The following NLGN1 variants were observed in gnomAD, a reference collection of about 807,000 sequenced individuals.
NLGN1 encodes the protein neuroligin-1.
A neutral mutation model predicts 65.5 loss-of-function variants in NLGN1; 12 were observed. The observed-to-expected ratio is 0.18, with a 90% CI of 0.12 to 0.30. NLGN1 has a LOEUF of 0.30. Among genes scored for constraint, NLGN1 ranks in the 10% least tolerant of loss-of-function variants. The pLI, the probability that NLGN1 is intolerant of heterozygous loss-of-function variation, is 1.00. For missense variants in NLGN1, 750 were observed against 1,007.1 expected (o/e 0.74, Z 3.46); for synonymous variants, 350 against 359.5 (o/e 0.97, Z 0.30).
intron 2 of NLGN1, among the ~76,000 whole-genome samples, chr3:173,494,146 TGTGCGC>T (rs1307480867): frequency 1.4e-5 from 2 of 142,944 alleles, no homozygotes; most frequent in African/African-American, 5.3e-5. Context: ...TGTGTGTGTG[TGTGCGC>T]GTGCATGTGC....
intron 4 of NLGN1, among the ~76,000 whole-genome samples, chr3:173,934,598 A>G (rs534078567): frequency 6.6e-6 from 1 of 152,152 alleles, no homozygotes; most frequent in South Asian, 2.1e-4. Flanking sequence ...TTCTCAAGAC[A>G]GAGGTCACAT....
intron 3 of NLGN1, among the ~76,000 whole-genome samples, chr3:173,614,670 G>A (rs1560053842): frequency 6.6e-6 from 1 of 152,004 alleles, no homozygotes; most frequent in African/African-American, 2.4e-5. Flanking sequence ...GCCTATCAGT[G>A]CTTCTCTTGA....
At chr3:173,539,081 GCCCA>G (rs1737969330) in intron 2 of NLGN1, among the ~76,000 whole-genome samples, 1 of 151,984 alleles carries the variant, frequency 6.6e-6, no homozygotes, top group South Asian at 2.1e-4. Context: ...CTGAAGTTCT[GCCCA>G]CTGGGAGGAT....
At chr3:174,151,273 T>TAA (rs150493989) in intron 4 of NLGN1, among the ~76,000 whole-genome samples, 2,121 of 152,162 alleles carry the variant, frequency 0.014, 51 homozygotes, top group African/African-American at 0.047. Context: ...TAGTACCTTA[T>TAA]AAAAAAGATG....
chr3:174,137,851 T>C (rs1721502333), intron 4 of NLGN1, among the ~76,000 whole-genome samples: 3 of 152,156 alleles, frequency 2.0e-5, no homozygotes, highest in Non-Finnish European at 4.4e-5. Context: ...AGCTCCTGAT[T>C]TCTGGGAATA....
At chr3:173,853,358 C>T (rs2150751599) in intron 4 of NLGN1, among the ~76,000 whole-genome samples, 1 of 152,276 alleles carries the variant, frequency 6.6e-6, no homozygotes, top group East Asian at 1.9e-4. Flanking sequence ...CATAAACTAG[C>T]TTCAGTGCAT....
At chr3:173,904,228 T>TC (rs1238547537) in intron 4 of NLGN1, among the ~76,000 whole-genome samples, 2 of 152,110 alleles carry the variant, frequency 1.3e-5, no homozygotes, top group Non-Finnish European at 2.9e-5. Flanking sequence ...ATGATGTAAA[T>TC]ATCTCCCTTT....
chr3:174,060,523 T>C (rs182192988), intron 4 of NLGN1, among the ~76,000 whole-genome samples: 26 of 152,202 alleles, frequency 1.7e-4, no homozygotes, highest in East Asian at 3.9e-4. Flanking sequence ...TAAGCAAATA[T>C]TCATTTTCTT....
At chr3:173,900,509 A>G (rs541115529) in intron 4 of NLGN1, among the ~76,000 whole-genome samples, 4 of 152,142 alleles carry the variant, frequency 2.6e-5, no homozygotes, top group Non-Finnish European at 5.9e-5. Context: ...AATCCCTTTA[A>G]TTACTTTTCT....
rs573544601 is a variant in NLGN1, at chr3:173,562,919, T to C, written c.-320-41360T>C. Among the ~76,000 whole-genome samples, 4 of 152,206 alleles carry C rather than the reference T, an allele frequency of 2.6e-5. No individual in the cohort carries two copies. The South Asian group carries it at 8.3e-4, about 32-fold the overall frequency. On this transcript the variant is annotated intron_variant, in intron 2 of 6. Coordinates refer to ENST00000457714, the Ensembl canonical transcript of NLGN1. ...TCTTTTGGCTATCTCCACCAAGATG[T>C]CTAATAAGATTGACCTACCATGTCC...
At chr3:173,695,188 A>G (rs1766031125) in intron 3 of NLGN1, among the ~76,000 whole-genome samples, 1 of 152,170 alleles carries the variant, frequency 6.6e-6, no homozygotes, top group South Asian at 2.1e-4. Context: ...TTTTCAAGAG[A>G]AAAAGAGAAG....
At chr3:173,649,001 C>T (rs975986240) in intron 3 of NLGN1, among the ~76,000 whole-genome samples, 4 of 152,062 alleles carry the variant, frequency 2.6e-5, no homozygotes, top group African/African-American at 9.7e-5. Flanking sequence ...AAACCCAAAA[C>T]AACCTAAATA....
At chr3:173,777,841 A>G (rs1780550783) in intron 3 of NLGN1, among the ~76,000 whole-genome samples, 1 of 151,892 alleles carries the variant, frequency 6.6e-6, no homozygotes, top group Non-Finnish European at 1.5e-5. Context: ...ATTCTTTTCC[A>G]AACTCCATGC....
At chr3:174,243,726 T>C (rs999728157) in intron 4 of NLGN1, among the ~76,000 whole-genome samples, 8 of 152,178 alleles carry the variant, frequency 5.3e-5, no homozygotes, top group Non-Finnish European at 1.2e-4. Flanking sequence ...ATAAAACATT[T>C]TAGTAGTTCT....
intron 4 of NLGN1, among the ~76,000 whole-genome samples, chr3:173,816,487 CTCTT>C (rs1291269542): frequency 6.6e-6 from 1 of 152,182 alleles, no homozygotes; most frequent in Admixed American, 6.5e-5. Flanking sequence ...CAAGTAAAAA[CTCTT>C]TATTTTCCTA....
At chr3:173,850,169 A>G (rs146497374) in intron 4 of NLGN1, among the ~76,000 whole-genome samples, 12 of 152,278 alleles carry the variant, frequency 7.9e-5, no homozygotes, top group Admixed American at 7.8e-4. Context: ...TTTCATTAAT[A>G]CATACTAAGT....
At chr3:173,768,386 A>G (rs1035687610) in intron 3 of NLGN1, among the ~76,000 whole-genome samples, 2 of 152,262 alleles carry the variant, frequency 1.3e-5, no homozygotes, top group South Asian at 2.1e-4. Flanking sequence ...GAGACAGTTC[A>G]TACACTCAGT....
At chr3:173,751,656 T>C (rs1188976015) in intron 3 of NLGN1, among the ~76,000 whole-genome samples, 3 of 152,058 alleles carry the variant, frequency 2.0e-5, no homozygotes, top group African/African-American at 7.2e-5. Flanking sequence ...ATCAACAATT[T>C]TGTTGTGTAC....
intron 2 of NLGN1, among the ~76,000 whole-genome samples, chr3:173,591,467 G>A (rs1159588144): frequency 6.6e-6 from 1 of 152,144 alleles, no homozygotes; most frequent in Non-Finnish European, 1.5e-5. Context: ...GGTGGTCTTA[G>A]TCCAGTTCCT....
Sources: allele counts gnomAD v4.1 joint callset (sites outside exome capture counted in the v4.1 genomes callset), GRCh38; gene constraint gnomAD v4.1.1; transcripts MANE v1.5; gene names NCBI Gene and HGNC (gene_info 2026-07-23, HGNC 2026-07-21).